Variants in MIER3 observed in about 807,000 individuals in gnomAD.
MIER3 encodes MIER family member 3.
A neutral mutation model predicts 63.2 loss-of-function variants in MIER3; 9 were observed. The observed-to-expected ratio is 0.14, with a 90% CI of 0.09 to 0.25. MIER3 has a LOEUF of 0.25. Among genes scored for constraint, MIER3 ranks in the 10% least tolerant of loss-of-function variants. The pLI, the probability that MIER3 is intolerant of heterozygous loss-of-function variation, is 1.00. For missense variants in MIER3, 512 were observed against 666.2 expected (o/e 0.77, Z 2.55); for synonymous variants, 205 against 224.9 (o/e 0.91, Z 0.79).
intron 1 of MIER3, among the ~76,000 whole-genome samples, chr5:56,951,453 G>C (rs532253831): frequency 6.6e-6 from 1 of 152,234 alleles, no homozygotes; most frequent in East Asian, 1.9e-4. Flanking sequence ...TCCTGGAGAG[G>C]GCGTCGAGGG....
chr5:56,925,210 A>G (rs1178287480), intron 10 of MIER3: 2 of 328,608 alleles, frequency 6.1e-6, no homozygotes, highest in East Asian at 1.8e-4. Flanking sequence ...ATTTTCAAAC[A>G]TACAGAAAGT....
chr5:56,943,957 G>A (rs1019340736), intron 3 of MIER3, among the ~76,000 whole-genome samples: 1 of 152,122 alleles, frequency 6.6e-6, no homozygotes, highest in Non-Finnish European at 1.5e-5. Context: ...TAAGTCAAAG[G>A]ATTTATATCA....
At chr5:56,940,536 T>G (rs1452527362) in intron 3 of MIER3, among the ~76,000 whole-genome samples, 1 of 152,244 alleles carries the variant, frequency 6.6e-6, no homozygotes, top group Non-Finnish European at 1.5e-5. Context: ...CTAAAACAGA[T>G]TTATGCTCAA....
intron 3 of MIER3, among the ~76,000 whole-genome samples, chr5:56,946,345 T>A (rs1750823428): frequency 6.6e-6 from 1 of 152,304 alleles, no homozygotes; most frequent in African/African-American, 2.4e-5. Context: ...TATAAATGCA[T>A]GAAAATACAG....
At chr5:56,940,130 G>C (rs529979093) in intron 3 of MIER3, among the ~76,000 whole-genome samples, 76 of 152,250 alleles carry the variant, frequency 5.0e-4, no homozygotes, top group Non-Finnish European at 7.5e-4. Context: ...AGGAGTTCGA[G>C]ACCAGCCTGG....
chr5:56,943,431 A>G (rs1315570457), intron 3 of MIER3, among the ~76,000 whole-genome samples: 1 of 152,032 alleles, frequency 6.6e-6, no homozygotes, highest in African/African-American at 2.4e-5. Context: ...GACAGGAGGG[A>G]AAGAATAATA....
At chr5:56,934,193 C>T (rs891941131) in intron 7 of MIER3, among the ~76,000 whole-genome samples, 2 of 151,846 alleles carry the variant, frequency 1.3e-5, no homozygotes, top group African/African-American at 4.8e-5. Context: ...AATAATTTAC[C>T]GAGAACACAC....
intron 8 of MIER3, among the ~76,000 whole-genome samples, chr5:56,931,625 A>G (rs1245644922): frequency 5.9e-5 from 9 of 152,214 alleles, no homozygotes; most frequent in African/African-American, 2.2e-4. Flanking sequence ...TTGCTGTAAT[A>G]AAGACAGTAG....
chr5:56,941,308 T>A (rs2591963), intron 3 of MIER3: 41,386 of 215,144 alleles, frequency 0.19, 4,621 homozygotes, highest in East Asian at 0.4. Context: ...GGGTGAAGAC[T>A]GAGCTAAGTC....
At chr5:56,935,309 C>A in intron 7 of MIER3, 119 bp downstream of exon 7, 4 of 760,428 alleles carry the variant, frequency 5.3e-6, no homozygotes, top group Non-Finnish European at 8.4e-6. Context: ...CCTAACTCTG[C>A]ATGTTTCCCA....
Position 56,922,216 on chromosome 5 carries a change from T to C in MIER3, c.*912A>G, listed in dbSNP as rs1302018663. 2.0e-5 allele frequency: 3 copies of C among 152,660 alleles called. No individual in the cohort carries two copies. The highest frequency in any genetic ancestry group is 7.2e-5 in the African/African-American group (3 of 41,474). The allele number at this position is 152,660 out of a possible 1,614,324, so 9.5% of individuals were successfully genotyped here. A position where few individuals can be genotyped will look rare whatever the true frequency, so the allele number is the denominator to read the frequency against. ...TTGAGTGGCAACATCCTAGGCTTTG[T>C]AGACTGTGCCTCTGCAAGTCGACTG... On this transcript the variant is annotated 3_prime_UTR_variant, in exon 13 of 13. Transcript: ENST00000381199.
upstream of MIER3, chr5:56,952,124 G>C (rs1438004112): frequency 2.4e-6 from 3 of 1,252,766 alleles, no homozygotes; most frequent in Non-Finnish European, 3.0e-6. Context: ...TAGGGCGAAC[G>C]AGCAGCGCCG....
At chr5:56,950,719 A>G in intron 1 of MIER3, 67 bp from the exon 2 acceptor site, 2 of 1,574,586 alleles carry the variant, frequency 1.3e-6, no homozygotes, top group Non-Finnish European at 1.7e-6. Context: ...CGCCGGCAAC[A>G]GGGCGCAGAG....
intron 3 of MIER3, among the ~76,000 whole-genome samples, chr5:56,942,061 A>C (rs1750665038): frequency 7.0e-6 from 1 of 143,100 alleles, no homozygotes; most frequent in African/African-American, 2.5e-5. Flanking sequence ...GACACAGTTA[A>C]GTTTAAGAGG....
At chr5:56,939,297 CCTTT>C (rs1750559293) in intron 3 of MIER3, among the ~76,000 whole-genome samples, 1 of 152,098 alleles carries the variant, frequency 6.6e-6, no homozygotes, top group South Asian at 2.1e-4. Context: ...TGCTTTAGTG[CCTTT>C]TTTTTTGCTT....
At chr5:56,942,035 C>CA (rs1446376603) in intron 3 of MIER3, among the ~76,000 whole-genome samples, 1 of 152,070 alleles carries the variant, frequency 6.6e-6, no homozygotes, top group African/African-American at 2.4e-5. Flanking sequence ...ACAACAACAA[C>CA]AAGAGTTCTG....
intron 5 of MIER3, 38 bp from the exon 6 acceptor site, chr5:56,935,789 T>C: frequency 1.3e-6 from 2 of 1,507,474 alleles, no homozygotes; most frequent in Admixed American, 3.5e-5. Flanking sequence ...TTACTGCCTA[T>C]TTTTGCAGAA....
At position 56,921,277 on chromosome 5, in the gene MIER3, T is replaced by A. The variant is rs1336312661; in HGVS notation, c.*1851A>T. On this transcript the variant is annotated 3_prime_UTR_variant, in exon 13 of 13. Transcript: ENST00000381199. Reference sequence around the variant, plus strand: ...TCTTACTAAATTATAGAAAGTGTACTGATTTTTAATAAAAGAAATAAGGTT... The same window carrying A: ...TCTTACTAAATTATAGAAAGTGTACAGATTTTTAATAAAAGAAATAAGGTT... 2 of 152,532 alleles carry A rather than the reference T, an allele frequency of 1.3e-5. No homozygotes were observed. The highest frequency in any genetic ancestry group is 2.9e-5 in the Non-Finnish European group (2 of 67,984). The allele number at this position is 152,532 out of a possible 1,614,324, so 9.4% of individuals were successfully genotyped here.
chr5:56,923,319 C>T lies in MIER3; in HGVS notation c.1462G>A (p.Val488Ile), dbSNP rs529396440. ...PAKRLKMGIA[V>I]PESFMNEVSV... ...ACTTCATTCATAAAGGATTCAGGGACGGCAATGCCCATTTTCAATCTTTTT... is the reference window on the plus strand; with the variant it reads ...ACTTCATTCATAAAGGATTCAGGGATGGCAATGCCCATTTTCAATCTTTTT... Residue 488 changes from valine (V) to isoleucine (I), a missense_variant, in exon 13 of 13, where the codon GTC (valine) becomes ATC (isoleucine). Around this residue, in one of 5 missense-constraint regions of MIER3, gnomAD observed 218 missense variants for 251.2 expected, o/e 0.87. Transcript: ENST00000381199. 41 of 1,614,194 alleles carry T rather than the reference C, an allele frequency of 2.5e-5. No homozygotes were observed. Among genetic ancestry groups the T allele is most frequent in the Admixed American group, 6.7e-5 (4 of 60,010 alleles).
Sources: allele counts gnomAD v4.1 joint callset (sites outside exome capture counted in the v4.1 genomes callset), GRCh38; gene constraint gnomAD v4.1.1; regional missense constraint gnomAD v4.1.1; transcripts MANE v1.5; gene names NCBI Gene and HGNC (gene_info 2026-07-23, HGNC 2026-07-21).